The following ZNF235 variants were observed in gnomAD, a reference collection of about 807,000 sequenced individuals.
ZNF235 encodes zinc finger protein 235.
In ZNF235, 25 loss-of-function variants were observed where a neutral mutation model predicts 29.4. The observed-to-expected ratio is 0.85, with a 90% confidence interval of 0.62 to 1.19. The LOEUF is 1.19. ZNF235 is among the 50% of genes most tolerant of loss of function. The pLI, the probability that ZNF235 is intolerant of heterozygous loss-of-function variation, is 0.00. For synonymous variants in ZNF235, 300 were observed against 295.3 expected (o/e 1.02, Z -0.16); for missense variants, 788 against 885.0 (o/e 0.89, Z 1.39).
rs1486948988 is a variant in ZNF235 at position 44,287,387 on chromosome 19, T to C, written c.2048A>G (p.Tyr683Cys). ...GCCCTTCCCACACTGCTGACACGTATAGGGTTTCTCTCCTGTGTGGACCCT... is the reference window on the plus strand; with the variant it reads ...GCCCTTCCCACACTGCTGACACGTACAGGGTTTCTCTCCTGTGTGGACCCT... ...HQRVHTGEKP[Y>C]TCQQCGKGFS... The change falls in exon 5 of 5, where the codon TAT (tyrosine) becomes TGT (cysteine). Residue 683 changes from tyrosine to cysteine, a missense_variant. By Grantham distance (194) the Tyr-to-Cys change is radical. Transcript: ENST00000291182. The C allele has an allele frequency of 2.5e-6, 4 of 1,613,608 alleles. No homozygotes were observed. Among genetic ancestry groups the C allele is most frequent in the Non-Finnish European group, 1.7e-6 (2 of 1,179,896 alleles).
At chr19:44,301,278 C>T (rs998702537) in intron 2 of ZNF235, among the ~76,000 whole-genome samples, 2 of 152,144 alleles carry the variant, frequency 1.3e-5, no homozygotes, top group South Asian at 2.1e-4. Flanking sequence ...AGACACTGCA[C>T]ATCCCTGCAT....
intron 2 of ZNF235, among the ~76,000 whole-genome samples, chr19:44,301,771 A>G (rs1975740576): frequency 6.6e-6 from 1 of 152,164 alleles, no homozygotes; most frequent in African/African-American, 2.4e-5. Context: ...CCTTCACCCA[A>G]ATGGAACACC....
intron 4 of ZNF235, among the ~76,000 whole-genome samples, chr19:44,297,694 C>T (rs1030477478): frequency 1.1e-4 from 17 of 152,102 alleles, no homozygotes; most frequent in Non-Finnish European, 2.4e-4. Flanking sequence ...AACTCCCGAC[C>T]TCAGGTGATC....
intron 2 of ZNF235, among the ~76,000 whole-genome samples, chr19:44,301,064 T>A (rs548988288): frequency 1.3e-5 from 2 of 152,296 alleles, no homozygotes; most frequent in South Asian, 4.1e-4. Context: ...TTAATTTTTT[T>A]AAAGATGATC....
At chr19:44,303,523 CTT>C in intron 1 of ZNF235, 71 bp from the exon 2 acceptor site, 1 of 1,398,526 alleles carries the variant, frequency 7.2e-7, no homozygotes. Flanking sequence ...TTATGTGACA[CTT>C]CAGAGAAAGG....
At chr19:44,301,201 T>C (rs992982518) in intron 2 of ZNF235, among the ~76,000 whole-genome samples, 5 of 152,230 alleles carry the variant, frequency 3.3e-5, no homozygotes, top group Non-Finnish European at 5.9e-5. Context: ...CCGCACCTGT[T>C]TCCTACTTGT....
chr19:44,294,523 T>G lies in ZNF235; in HGVS notation c.238+4285A>C, dbSNP rs74956054. 8.2e-3 allele frequency among the ~76,000 whole-genome samples: 1,241 copies of G among 152,208 alleles called. 22 individuals are homozygous for G. Among genetic ancestry groups the G allele is most frequent in the African/African-American group, 0.028 (1,166 of 41,520 alleles). On this transcript the variant is annotated intron_variant, in intron 4 of 4. Coordinates refer to ENST00000291182, the MANE Select transcript of ZNF235 (RefSeq NM_004234.4). ...ACTGGTACCAATTCTACTAAAACTCTTTCAAAAAATCTAAGAGGAGAGAAT... is the reference window on the plus strand; with the variant it reads ...ACTGGTACCAATTCTACTAAAACTCGTTCAAAAAATCTAAGAGGAGAGAAT...
chr19:44,291,173 A>G (rs1975579623), intron 4 of ZNF235, among the ~76,000 whole-genome samples: 1 of 152,218 alleles, frequency 6.6e-6, no homozygotes. Context: ...AAGTTCTAAC[A>G]GATGCAAAAG....
intron 4 of ZNF235, 129 bp from the exon 5 acceptor site, chr19:44,289,325 T>C (rs2123091794): frequency 1.2e-6 from 1 of 804,380 alleles, no homozygotes; most frequent in East Asian, 2.8e-5. Context: ...CTGAAATAAA[T>C]TTATAGGAAC....
intron 2 of ZNF235, among the ~76,000 whole-genome samples, chr19:44,302,995 TA>T (rs1975770137): frequency 7.5e-6 from 1 of 132,758 alleles, no homozygotes; most frequent in East Asian, 2.0e-4. Context: ...TATATAAATA[TA>T]TACATATATA....
intron 4 of ZNF235, among the ~76,000 whole-genome samples, chr19:44,293,869 C>T (rs1002031374): frequency 1.0e-4 from 15 of 149,648 alleles, no homozygotes; most frequent in Admixed American, 2.7e-4. Context: ...TGAATGAAAA[C>T]GAAAATACAA....
intron 2 of ZNF235, among the ~76,000 whole-genome samples, chr19:44,300,952 C>T (rs1198007587): frequency 1.3e-5 from 2 of 151,712 alleles, no homozygotes; most frequent in African/African-American, 4.8e-5. Flanking sequence ...TAACTCTTCC[C>T]GTAAGAGATT....
Position 44,287,374 on chromosome 19 carries a change from C to T in ZNF235, c.2061G>A (p.Gln687=). ...AGGCCTGACTGAAGCCCTTCCCACA[C>T]TGCTGACACGTATAGGGTTTCTCTC... ...HTGEKPYTCQ[Q]CGKGFSQASH... The change falls in exon 5 of 5, where the codon CAG becomes CAA. Residue 687 remains glutamine (Q), a synonymous_variant. Coordinates refer to ENST00000291182, the MANE Select transcript of ZNF235 (RefSeq NM_004234.4). 1 of 1,613,582 alleles carries T rather than the reference C, an allele frequency of 6.2e-7. No homozygotes were observed.
At chr19:44,296,045 T>C (rs1329141381) in intron 4 of ZNF235, among the ~76,000 whole-genome samples, 6 of 152,120 alleles carry the variant, frequency 3.9e-5, no homozygotes, top group African/African-American at 9.7e-5. Context: ...GTGGTCAAAG[T>C]AGAAATAACT....
intron 2 of ZNF235, among the ~76,000 whole-genome samples, chr19:44,302,995 TATAC>T (rs1568647705): frequency 7.5e-6 from 1 of 132,758 alleles, no homozygotes; most frequent in Non-Finnish European, 1.5e-5. Flanking sequence ...TATATAAATA[TATAC>T]ATATATACGT....
Position 44,287,929 on chromosome 19 carries a change from G to C in ZNF235, c.1506C>G (p.Phe502Leu). The C allele has an allele frequency of 2.5e-6, 4 of 1,612,764 alleles. No individual in the cohort carries two copies. Among genetic ancestry groups the C allele is most frequent in the African/African-American group, 1.3e-5 (1 of 74,500 alleles). Reference sequence around the variant, plus strand: ...CTGTATGGACCCTCTGATGGCTCTGGAAACTTGAGGCTGAACTAAAACCCT... The same window carrying C: ...CTGTATGGACCCTCTGATGGCTCTGCAAACTTGAGGCTGAACTAAAACCCT... ...CGKGFSSASS[F>L]QSHQRVHTGE... The change falls in exon 5 of 5, where the codon TTC becomes TTG. Residue 502 changes from phenylalanine (F) to leucine (L), a missense_variant. Coordinates refer to ENST00000291182, the MANE Select transcript of ZNF235 (RefSeq NM_004234.4).
intron 4 of ZNF235, among the ~76,000 whole-genome samples, chr19:44,298,273 A>G (rs555831238): frequency 2.0e-5 from 3 of 152,362 alleles, no homozygotes; most frequent in South Asian, 2.1e-4. Context: ...TGGTAAAGCT[A>G]GGTGAATAGG....
In ZNF235 at chr19:44,287,037, A is replaced by G; in HGVS notation, c.*181T>C. 1.7e-6 allele frequency: 1 copy of G among 591,882 alleles called. No homozygotes were observed. The allele number at this position is 591,882 out of a possible 1,614,324, so 36.7% of individuals were successfully genotyped here. On this transcript the variant is annotated 3_prime_UTR_variant, in exon 5 of 5. Transcript: ENST00000291182. ...AGTTTTCTCGCATCTGTGAAATATG[A>G]CGTTTGTAAAGAATTCATGTCCTAA...
rs776705220 is a variant in ZNF235, at chr19:44,287,441, C to A, written c.1994G>T (p.Ser665Ile). Residue 665 changes from serine to isoleucine, a missense_variant, in exon 5 of 5, where the codon AGT becomes ATT. Physicochemically the swap from Ser to Ile is moderately radical, Grantham distance 142. Transcript: ENST00000291182. ...FKCEECGKEF[S>I]WSAGLSAHQR... ...ATGGGCACTGAGACCAGCACTCCAA[C>A]TGAATTCTTTCCCACATTCCTCACA... 5 of 1,614,102 alleles carry A rather than the reference C, an allele frequency of 3.1e-6. No individual in the cohort carries two copies. The East Asian group carries it at 6.7e-5, about 22-fold the overall frequency.
Sources: gnomAD v4.1 joint callset for allele counts (sites outside exome capture counted in the v4.1 genomes callset) on GRCh38, gnomAD v4.1.1 for gene constraint, MANE v1.5 for transcripts, NCBI Gene and HGNC (gene_info 2026-07-23, HGNC 2026-07-21) for gene names.